The following ANKIB1 variants were observed in gnomAD, a reference collection of about 807,000 sequenced individuals.
ANKIB1 encodes the protein ankyrin repeat and IBR domain-containing protein 1.
Under a neutral mutation model 122.1 loss-of-function variants are expected in ANKIB1, and 43 were observed. That is an observed-to-expected ratio of 0.35 (90% CI 0.28 to 0.45). The LOEUF is 0.45. Among genes scored for constraint, ANKIB1 ranks in the 20% least tolerant of loss-of-function variants. ANKIB1 has a pLI of 1.00. For synonymous variants in ANKIB1, 390 were observed against 442.0 expected (o/e 0.88, Z 1.48); for missense variants, 992 against 1,329.5 (o/e 0.75, Z 3.95).
chr7:92,261,366 AG>A (rs747086868), intron 1 of ANKIB1, among the ~76,000 whole-genome samples: 27 of 149,048 alleles, frequency 1.8e-4, no homozygotes, highest in African/African-American at 6.7e-4. Context: ...AAAAAAAAAA[AG>A]AAAAGAAATT....
chr7:92,318,344 C>T (rs1297026688), intron 3 of ANKIB1, among the ~76,000 whole-genome samples: 10 of 152,026 alleles, frequency 6.6e-5, no homozygotes, highest in Admixed American at 5.2e-4. Context: ...AGTGAAACCT[C>T]ATCTCTACTA....
In ANKIB1 at chr7:92,344,993, T is replaced by C; in HGVS notation, c.1012T>C (p.Cys338Arg). The C allele has an allele frequency of 6.2e-7, 1 of 1,612,014 alleles. No individual in the cohort carries two copies. Among genetic ancestry groups the C allele is most frequent in the South Asian group, 1.1e-5 (1 of 90,932 alleles). The change falls in exon 7 of 20, where the codon TGC becomes CGC. Residue 338 changes from cysteine to arginine, a missense_variant. Coordinates refer to ENST00000265742, the MANE Select transcript of ANKIB1 (RefSeq NM_019004.2). ...TCATCTCCAGTGTGACATTTGTATG[T>C]GCAGTATCTCTGTATTTGAAGACCC... ...LDTSLCDICM[C>R]SISVFEDPVD...
intron 9 of ANKIB1, among the ~76,000 whole-genome samples, chr7:92,354,886 TCTC>T (rs1348201888): frequency 6.6e-6 from 1 of 152,214 alleles, no homozygotes; most frequent in Non-Finnish European, 1.5e-5. Context: ...TGGTTTTGCT[TCTC>T]CTTCTTCAAA....
intron 1 of ANKIB1, among the ~76,000 whole-genome samples, chr7:92,281,089 C>A (rs1328997846): frequency 6.6e-6 from 1 of 152,150 alleles, no homozygotes. Flanking sequence ...CCAGAGGAAG[C>A]CAAGCACAAG....
intron 7 of ANKIB1, among the ~76,000 whole-genome samples, chr7:92,345,639 C>T (rs1207993173): frequency 1.3e-5 from 2 of 152,194 alleles, no homozygotes; most frequent in Non-Finnish European, 2.9e-5. Context: ...ACTTTGCTCT[C>T]ATGTTGCACT....
At chr7:92,329,267 A>G (rs1028794740) in intron 5 of ANKIB1, among the ~76,000 whole-genome samples, 2 of 152,008 alleles carry the variant, frequency 1.3e-5, no homozygotes, top group African/African-American at 2.4e-5. Flanking sequence ...CACCCAGCCT[A>G]CCTTCAATAT....
chr7:92,377,423 A>G (rs1213909685), intron 11 of ANKIB1, among the ~76,000 whole-genome samples: 1 of 152,206 alleles, frequency 6.6e-6, no homozygotes, highest in African/African-American at 2.4e-5. Context: ...CGTAGATCAC[A>G]ACAGATAAAA....
intron 3 of ANKIB1, among the ~76,000 whole-genome samples, chr7:92,317,441 C>A (rs937084997): frequency 6.6e-6 from 1 of 152,096 alleles, no homozygotes; most frequent in African/African-American, 2.4e-5. Context: ...AAGACCTTGC[C>A]CTCGGAATCT....
chr7:92,307,540 A>G lies in ANKIB1; in HGVS notation c.370A>G (p.Lys124Glu). ...TTGTCTGCAGATGATCTTAAAATGG[A>G]AAGGAGCAAAACTTGACCAGGGTGA... ...ADCLQMILKW[K>E]GAKLDQGEYE... Residue 124 changes from lysine to glutamate, a missense_variant, in exon 3 of 20, where the codon AAA (lysine) becomes GAA (glutamate). Around this residue, in one of 4 missense-constraint regions of ANKIB1, gnomAD observed 521 missense variants for 777.7 expected, o/e 0.67. Coordinates refer to ENST00000265742, the MANE Select transcript of ANKIB1 (RefSeq NM_019004.2). 1 of 1,613,870 alleles carries G rather than the reference A, an allele frequency of 6.2e-7. No individual in the cohort carries two copies. The highest frequency in any genetic ancestry group is 2.2e-5 in the East Asian group (1 of 44,874).
intron 1 of ANKIB1, among the ~76,000 whole-genome samples, chr7:92,257,838 C>T (rs1801481571): frequency 6.6e-6 from 1 of 151,990 alleles, no homozygotes. Context: ...TATCTTTCAA[C>T]CATTCTAACT....
chr7:92,265,404 GAAAA>G (rs369244282), intron 1 of ANKIB1, among the ~76,000 whole-genome samples: 1 of 149,890 alleles, frequency 6.7e-6, no homozygotes, highest in Non-Finnish European at 1.5e-5. Flanking sequence ...GGTTAAAAGA[GAAAA>G]AAAAAGAGGA....
At chr7:92,252,386 CTT>C (rs34891046) in intron 1 of ANKIB1, among the ~76,000 whole-genome samples, 19 of 134,156 alleles carry the variant, frequency 1.4e-4, no homozygotes, top group Admixed American at 3.0e-4. Context: ...TAAGGTACTA[CTT>C]TTTTTTTTTT....
At chr7:92,255,707 C>T (rs1257860765) in intron 1 of ANKIB1, among the ~76,000 whole-genome samples, 1 of 152,040 alleles carries the variant, frequency 6.6e-6, no homozygotes, top group Non-Finnish European at 1.5e-5. Flanking sequence ...GCTTTCTGTG[C>T]CATAATAAAT....
chr7:92,396,277 TTC>T (rs1217219172), intron 17 of ANKIB1, 86 bp from the exon 18 acceptor site: 2 of 758,480 alleles, frequency 2.6e-6, no homozygotes, highest in Admixed American at 4.9e-5. Context: ...CACAAACTTT[TTC>T]CCCTGGAAAA....
intron 9 of ANKIB1, among the ~76,000 whole-genome samples, chr7:92,354,456 C>T (rs536767289): frequency 6.6e-6 from 1 of 152,204 alleles, no homozygotes; most frequent in East Asian, 1.9e-4. Context: ...ACTCTTTCTC[C>T]TATTCATTAG....
intron 16 of ANKIB1, 127 bp from the exon 17 acceptor site, chr7:92,392,114 T>C: frequency 1.7e-6 from 1 of 582,140 alleles, no homozygotes; most frequent in East Asian, 3.0e-5. Context: ...GTTTTAATAG[T>C]TGATCTACTT....
chr7:92,370,763 T>TG (rs1804227543), intron 10 of ANKIB1, among the ~76,000 whole-genome samples: 1 of 152,120 alleles, frequency 6.6e-6, no homozygotes, highest in African/African-American at 2.4e-5. Flanking sequence ...AAGAAAAACA[T>TG]GGAGAGATTT....
At chr7:92,293,726 T>C (rs149289083) in intron 1 of ANKIB1, among the ~76,000 whole-genome samples, 1 of 152,346 alleles carries the variant, frequency 6.6e-6, no homozygotes, top group East Asian at 1.9e-4. Context: ...ACCTATTTTT[T>C]CTTTTATCTC....
In ANKIB1 at chr7:92,275,581, TG is replaced by T. The variant is rs369649822; in HGVS notation, c.-90-19306del. On this transcript the variant is annotated intron_variant, in intron 1 of 19. Transcript: ENST00000265742. ...AGTGAAAAATTAATTCAATCCCAAA[TG>T]GCAAGAAGAAGACAGGAGGTGTATT... 4.0e-3 allele frequency among the ~76,000 whole-genome samples: 611 copies of T among 152,158 alleles called. 4 individuals carry two copies. The highest frequency in any genetic ancestry group is 0.037 in the Middle Eastern group (11 of 294).
Sources: allele counts gnomAD v4.1 joint callset (sites outside exome capture counted in the v4.1 genomes callset), GRCh38; gene constraint gnomAD v4.1.1; regional missense constraint gnomAD v4.1.1; transcripts MANE v1.5; gene names NCBI Gene and HGNC (gene_info 2026-07-23, HGNC 2026-07-21).